The following CXXC4 variants were observed in gnomAD, a reference collection of about 807,000 sequenced individuals.
The protein encoded by CXXC4 is CXXC finger protein 4, also known as CXXC-type zinc finger protein 4.
CXXC4 carries 5 observed loss-of-function variants against 20.5 expected under a neutral mutation model. That is an observed-to-expected ratio of 0.24 (90% CI 0.13 to 0.51). The LOEUF (loss-of-function observed/expected upper bound fraction) is 0.51. Ranked by LOEUF, CXXC4 falls within the 20% of genes least tolerant of loss-of-function variation. CXXC4 has a pLI of 0.97. For missense variants in CXXC4, 419 were observed against 496.4 expected, an observed-to-expected ratio of 0.84 and a Z score of 1.48; for synonymous variants, 250 against 216.4, an observed-to-expected ratio of 1.16 and a Z score of -1.36.
At chr4:104,484,427 A>G (rs746499316) in intron 2 of CXXC4, among the ~76,000 whole-genome samples, 10 of 152,052 alleles carry the variant, frequency 6.6e-5, no homozygotes, top group African/African-American at 2.2e-4. Context: ...GCTTAGTAGT[A>G]TATTTCCTGA....
At chr4:104,490,528 C>T (rs1015918867) in intron 2 of CXXC4, among the ~76,000 whole-genome samples, 33 of 152,052 alleles carry the variant, frequency 2.2e-4, no homozygotes, top group African/African-American at 7.7e-4. Flanking sequence ...AAAAGGAGGG[C>T]ACTCTCTCTA....
chr4:104,488,654 A>AT lies in CXXC4; in HGVS notation c.1059+2089dup, dbSNP rs199511553. Among the ~76,000 whole-genome samples, 398 of 152,270 alleles carry AT rather than the reference A, an allele frequency of 2.6e-3. 2 individuals are homozygous for AT. Among genetic ancestry groups the AT allele is most frequent in the African/African-American group, 9.3e-3 (386 of 41,558 alleles). On this transcript the variant is annotated intron_variant, in intron 2 of 2. Transcript: ENST00000394767. Reference sequence around the variant, plus strand: ...AGTAACAGAATTTTTGTGCATGAGAATTTTTTAAAAAGAAGAAAATGTAGT... The same window carrying AT: ...AGTAACAGAATTTTTGTGCATGAGAATTTTTTTAAAAAGAAGAAAATGTAGT...
At position 104,491,549 on chromosome 4, in the gene CXXC4, C is replaced by G; in HGVS notation, c.254G>C (p.Gly85Ala). The G allele has an allele frequency of 1.3e-6, 2 of 1,494,466 alleles. No homozygotes were observed. Among genetic ancestry groups the G allele is most frequent in the South Asian group, 2.6e-5 (2 of 77,748 alleles). The allele number at this position is 1,494,466 out of a possible 1,614,324, so 92.6% of individuals were successfully genotyped here. Residue 85 changes from glycine to alanine, a missense_variant, in exon 2 of 3, where the codon GGC (glycine) becomes GCC (alanine). Gly to Ala is a moderately conservative substitution (Grantham distance 60, BLOSUM62 0). Around this residue, in one of 3 missense-constraint regions of CXXC4, gnomAD observed 388 missense variants for 416.0 expected, o/e 0.93. Coordinates refer to ENST00000394767, the MANE Select transcript of CXXC4 (RefSeq NM_025212.4). ...GTTGTCGCAGTTCCAGGGGGACATG[C>G]CGATGCGCGCGGCGGCCGCGGCGGC... is the stretch of plus-strand genomic sequence containing the variant. The part of the protein sequence containing the change: ...AAAAAAAARI[G>A]MSPWNCDNAA...
intron 2 of CXXC4, among the ~76,000 whole-genome samples, chr4:104,479,752 CT>C (rs1736505799): frequency 1.4e-5 from 2 of 147,716 alleles, no homozygotes; most frequent in South Asian, 2.2e-4. Flanking sequence ...TCTTTTTCCC[CT>C]CTCCCTCCCT....
At chr4:104,473,412 G>A (rs1201415606) in intron 2 of CXXC4, among the ~76,000 whole-genome samples, 1 of 151,706 alleles carries the variant, frequency 6.6e-6, no homozygotes, top group East Asian at 1.9e-4. Flanking sequence ...TTAACAAAAA[G>A]CTTATAGTTA....
rs1369679900 is a variant in CXXC4, at chr4:104,470,521, T to C, written c.*1801A>G. The C allele has an allele frequency of 1.3e-5, 2 of 152,046 alleles. No individual in the cohort carries two copies. Among genetic ancestry groups the C allele is most frequent in the Non-Finnish European group, 2.9e-5 (2 of 67,964 alleles). The allele number at this position is 152,046 out of a possible 1,614,324, so 9.4% of individuals were successfully genotyped here. ...CACTCTTTCTGCTTTTTAAAAAATC[T>C]TTTCTGTCCTATCGTATCCCATTGA... On this transcript the variant is annotated 3_prime_UTR_variant, in exon 3 of 3. Coordinates refer to ENST00000394767, the MANE Select transcript of CXXC4 (RefSeq NM_025212.4).
In CXXC4 at chr4:104,468,675, T is replaced by A. The variant is rs1174394992; in HGVS notation, c.*3647A>T. The A allele has an allele frequency of 7.4e-5, 11 of 148,796 alleles. No homozygotes were observed. Among genetic ancestry groups the A allele is most frequent in the Non-Finnish European group, 3.0e-5 (2 of 67,766 alleles). The allele number at this position is 148,796 out of a possible 1,614,324, so 9.2% of individuals were successfully genotyped here. A position where few individuals can be genotyped will look rare whatever the true frequency, so the allele number is the denominator to read the frequency against. The stretch of plus-strand genomic sequence containing the variant: ...GTCTTTTATTCACTAGGAATACAGA[T>A]CTCAGTGTGAAATGCCAAATTTAAT... On this transcript the variant is annotated 3_prime_UTR_variant, in exon 3 of 3. Coordinates refer to ENST00000394767, the MANE Select transcript of CXXC4 (RefSeq NM_025212.4).
At chr4:104,477,437 T>C (rs1436056628) in intron 2 of CXXC4, among the ~76,000 whole-genome samples, 1 of 152,080 alleles carries the variant, frequency 6.6e-6, no homozygotes, top group Non-Finnish European at 1.5e-5. Context: ...AACAAACTGA[T>C]TGACACAAAT....
At chr4:104,481,865 T>G (rs1239836778) in intron 2 of CXXC4, among the ~76,000 whole-genome samples, 2 of 152,176 alleles carry the variant, frequency 1.3e-5, no homozygotes, top group African/African-American at 2.4e-5. Context: ...CTGGAATAAG[T>G]AAAAATACGC....
intron 1 of CXXC4, 60 bp from the exon 2 acceptor site, chr4:104,492,119 C>T (rs1255477170): frequency 9.9e-6 from 2 of 202,648 alleles, no homozygotes; most frequent in Non-Finnish European, 2.0e-5. Context: ...AAATAAACAA[C>T]CTCCCTCACT....
chr4:104,491,276 G>A lies in CXXC4; in HGVS notation c.527C>T (p.Ser176Phe). 6.2e-7 allele frequency: 1 copy of A among 1,611,934 alleles called. No individual in the cohort carries two copies. The highest frequency in any genetic ancestry group is 1.1e-5 in the South Asian group (1 of 91,046). The change falls in exon 2 of 3, where the codon TCC (serine) becomes TTC (phenylalanine). Residue 176 changes from serine (S) to phenylalanine (F), a missense_variant. Coordinates refer to ENST00000394767, the MANE Select transcript of CXXC4 (RefSeq NM_025212.4). ...SRTSMHHRND[S>F]QRLGKAGCPP... ...GCAGCCAGCTTTCCCCAGCCTCTGG[G>A]AGTCGTTTCGGTGGTGCATGCTGGT...
chr4:104,488,285 G>C (rs1222441666), intron 2 of CXXC4, among the ~76,000 whole-genome samples: 1 of 152,116 alleles, frequency 6.6e-6, no homozygotes, highest in African/African-American at 2.4e-5. Context: ...TCAGCAGGGG[G>C]ACTTTTCACC....
At chr4:104,487,745 A>G (rs1461966617) in intron 2 of CXXC4, among the ~76,000 whole-genome samples, 1 of 152,230 alleles carries the variant, frequency 6.6e-6, no homozygotes, top group Non-Finnish European at 1.5e-5. Flanking sequence ...ATGCAAATAC[A>G]CAGTGCACAG....
At chr4:104,481,250 C>T (rs1397093946) in intron 2 of CXXC4, among the ~76,000 whole-genome samples, 2 of 152,192 alleles carry the variant, frequency 1.3e-5, no homozygotes, top group East Asian at 1.9e-4. Flanking sequence ...AATAGGGAGG[C>T]CGGGTGTTGT....
In CXXC4 at chr4:104,491,026, G is replaced by T. The variant is rs762580453; in HGVS notation, c.777C>A (p.Ser259=). ...TGACGGCTGCTGAGGCTGCTGCGGGGGAGTGAAGGGCTGTCATGACGATGA... is the reference window on the plus strand; with the variant it reads ...TGACGGCTGCTGAGGCTGCTGCGGGTGAGTGAAGGGCTGTCATGACGATGA... ...PGVIVMTALH[S]PAAASAAVTD... The change falls in exon 2 of 3, where the codon TCC becomes TCA. Residue 259 remains serine, a synonymous_variant. Coordinates refer to ENST00000394767, the MANE Select transcript of CXXC4 (RefSeq NM_025212.4). 4.3e-6 allele frequency: 7 copies of T among 1,614,056 alleles called. No individual in the cohort carries two copies. Among genetic ancestry groups the T allele is most frequent in the Non-Finnish European group, 5.9e-6 (7 of 1,180,008 alleles).
intron 2 of CXXC4, among the ~76,000 whole-genome samples, chr4:104,483,745 A>G (rs1173001265): frequency 6.6e-6 from 1 of 151,960 alleles, no homozygotes; most frequent in East Asian, 1.9e-4. Context: ...CTTGGAAAAA[A>G]AAGTCAAATA....
At chr4:104,474,746 T>A (rs1000370288) in intron 2 of CXXC4, among the ~76,000 whole-genome samples, 2 of 152,070 alleles carry the variant, frequency 1.3e-5, no homozygotes, top group Non-Finnish European at 2.9e-5. Context: ...GGAAACAAGA[T>A]TATAAATATA....
intron 2 of CXXC4, among the ~76,000 whole-genome samples, chr4:104,475,948 C>T (rs1736392377): frequency 6.6e-6 from 1 of 152,056 alleles, no homozygotes; most frequent in African/African-American, 2.4e-5. Context: ...TCCCAGGAGG[C>T]CTGTGGAGAA....
intron 1 of CXXC4, 42 bp downstream of exon 1, chr4:104,494,659 G>T (rs1182632331): frequency 2.0e-4 from 2 of 10,072 alleles, no homozygotes; most frequent in Non-Finnish European, 1.8e-3. Context: ...ACAAACTGTT[G>T]GGGGGGGGGG....
Sources: gnomAD v4.1 joint callset for allele counts (sites outside exome capture counted in the v4.1 genomes callset) on GRCh38, gnomAD v4.1.1 for gene constraint, gnomAD v4.1.1 regional missense constraint, MANE v1.5 for transcripts, NCBI Gene and HGNC (gene_info 2026-07-23, HGNC 2026-07-21) for gene names.